The following GPR89B variants were observed in gnomAD, a reference collection of about 807,000 sequenced individuals.
GPR89B encodes golgi pH regulator B, also known as G protein-coupled receptor 89B.
Under a neutral mutation model 52.4 loss-of-function variants are expected in GPR89B, and 25 were observed. That is an observed-to-expected ratio of 0.48 (90% confidence interval 0.35 to 0.67). The LOEUF (loss-of-function observed/expected upper bound fraction) is 0.67. Ranked by LOEUF, GPR89B falls within the 30% of genes least tolerant of loss-of-function variation. The probability of loss-of-function intolerance (pLI) is 0.01; values close to 1 mark genes in which losing one functional copy is unlikely to be tolerated. For missense variants in GPR89B, 146 were observed against 450.2 expected (o/e 0.32, Z 6.11); for synonymous variants, 52 against 151.2 (o/e 0.34, Z 4.81).
At chr1:147,962,433 A>AG (rs1656654426) in intron 7 of GPR89B, among the ~76,000 whole-genome samples, 1 of 151,124 alleles carries the variant, frequency 6.6e-6, no homozygotes, top group Non-Finnish European at 1.5e-5. Flanking sequence ...CAAAAAAAAA[A>AG]AAAAAAGAAA....
rs1297552031 is a variant in GPR89B, at chr1:147,992,980, A to G, written c.*63A>G. 17 of 1,327,342 alleles carry G rather than the reference A, an allele frequency of 1.3e-5. No homozygotes were observed. The highest frequency in any genetic ancestry group is 5.4e-4 in the Middle Eastern group (2 of 3,682). The allele number at this position is 1,327,342 out of a possible 1,614,324, so 82.2% of individuals were successfully genotyped here. On this transcript the variant is annotated 3_prime_UTR_variant, in exon 14 of 14. Transcript: ENST00000314163. The stretch of plus-strand genomic sequence containing the variant: ...TCAAAATTTAGATATAAGAGGGGGG[A>G]AAAATGGAACCAGGGCCTGACATTT...
intron 3 of GPR89B, among the ~76,000 whole-genome samples, chr1:147,940,565 T>G (rs9438060): frequency 6.6e-6 from 1 of 152,080 alleles, no homozygotes; most frequent in Non-Finnish European, 1.5e-5. Flanking sequence ...GGGTTGGCAG[T>G]CTTTCTTCTG....
At chr1:147,942,293 C>CG in intron 3 of GPR89B, among the ~76,000 whole-genome samples, 1 of 135,086 alleles carries the variant, frequency 7.4e-6, no homozygotes, top group East Asian at 2.2e-4. Context: ...TGGCTATAAC[C>CG]AAAAAAAAAA....
intron 5 of GPR89B, among the ~76,000 whole-genome samples, chr1:147,949,934 C>T (rs1416614524): frequency 7.2e-6 from 1 of 139,618 alleles, no homozygotes; most frequent in Non-Finnish European, 1.6e-5. Context: ...GCTGACCCCC[C>T]CACCTCCCTC....
intron 6 of GPR89B, among the ~76,000 whole-genome samples, chr1:147,954,061 TTA>T (rs1467493888): frequency 2.1e-5 from 3 of 140,646 alleles, no homozygotes; most frequent in South Asian, 2.3e-4. Flanking sequence ...AATATATATT[TTA>T]TATATATATA....
chr1:147,957,707 C>T (rs1656217153), intron 7 of GPR89B, among the ~76,000 whole-genome samples: 1 of 151,714 alleles, frequency 6.6e-6, no homozygotes, highest in Non-Finnish European at 1.5e-5. Flanking sequence ...ATATTTCCTT[C>T]TTCAACACTT....
intron 3 of GPR89B, among the ~76,000 whole-genome samples, chr1:147,940,888 T>C (rs1181996117): frequency 6.7e-6 from 1 of 148,576 alleles, no homozygotes; most frequent in Non-Finnish European, 1.5e-5. Flanking sequence ...TGTCATACTA[T>C]GGTGTATGTT....
At chr1:148,019,846 TG>T in the GPR89B span, among the ~76,000 whole-genome samples, 1 of 151,998 alleles carries the variant, frequency 6.6e-6, no homozygotes, top group African/African-American at 2.4e-5. Flanking sequence ...AGAAGAATTC[TG>T]GGAGTGAAAT....
intron 10 of GPR89B, among the ~76,000 whole-genome samples, chr1:147,976,970 C>T (rs1657875069): frequency 6.6e-6 from 1 of 151,714 alleles, no homozygotes; most frequent in Admixed American, 6.6e-5. Context: ...CGTGGTGGCT[C>T]ACGCCGGTAA....
intron 3 of GPR89B, among the ~76,000 whole-genome samples, chr1:147,940,680 A>G (rs1195048042): frequency 6.6e-6 from 1 of 152,206 alleles, no homozygotes; most frequent in African/African-American, 2.4e-5. Flanking sequence ...TAGGCAATAT[A>G]TAAACAAACG....
intron 5 of GPR89B, among the ~76,000 whole-genome samples, chr1:147,950,875 T>C (rs1655624064): frequency 6.6e-6 from 1 of 152,070 alleles, no homozygotes; most frequent in African/African-American, 2.4e-5. Context: ...TGAGCCGAGA[T>C]GGCAGCAGTA....
the GPR89B span, among the ~76,000 whole-genome samples, chr1:148,008,795 A>G: frequency 6.6e-6 from 1 of 152,256 alleles, no homozygotes; most frequent in Non-Finnish European, 1.5e-5. Flanking sequence ...GCAGCTGAGG[A>G]TACTATCAAA....
At chr1:147,959,680 C>A (rs1314603990) in intron 7 of GPR89B, among the ~76,000 whole-genome samples, 3 of 152,004 alleles carry the variant, frequency 2.0e-5, no homozygotes, top group Non-Finnish European at 4.4e-5. Context: ...CAGTATAAAC[C>A]CTTCCCAAAT....
intron 12 of GPR89B, among the ~76,000 whole-genome samples, chr1:147,988,907 A>C (rs1658860924): frequency 2.1e-5 from 3 of 140,294 alleles, no homozygotes; most frequent in African/African-American, 8.0e-5. Context: ...TTACCTCATT[A>C]AGAATTCTGC....
At chr1:147,991,667 ATT>A (rs1437266834) in intron 12 of GPR89B, among the ~76,000 whole-genome samples, 18 of 152,222 alleles carry the variant, frequency 1.2e-4, no homozygotes, top group Admixed American at 9.8e-4. Flanking sequence ...GGGCTGTTGA[ATT>A]TTGTCAAAGG....
At chr1:148,015,561 G>A in the GPR89B span, among the ~76,000 whole-genome samples, 2 of 147,642 alleles carry the variant, frequency 1.4e-5, no homozygotes, top group Non-Finnish European at 1.5e-5. Context: ...TGATGCACCC[G>A]CCTTTGCCTC....
At chr1:148,021,141 C>T in the GPR89B span, among the ~76,000 whole-genome samples, 1 of 151,816 alleles carries the variant, frequency 6.6e-6, no homozygotes, top group Non-Finnish European at 1.5e-5. Context: ...GGTACCTGGT[C>T]ACTGATTCTC....
At chr1:148,018,059 A>G in the GPR89B span, among the ~76,000 whole-genome samples, 2 of 147,864 alleles carry the variant, frequency 1.4e-5, no homozygotes, top group African/African-American at 5.2e-5. Flanking sequence ...CAAATCAGGG[A>G]TATGGAATTT....
the GPR89B span, among the ~76,000 whole-genome samples, chr1:148,000,878 A>G: frequency 1.4e-5 from 2 of 143,026 alleles, no homozygotes; most frequent in African/African-American, 2.6e-5. Context: ...AGTTTGATTC[A>G]GGTTGGTCTT....
Sources: gnomAD v4.1 joint callset for allele counts (sites outside exome capture counted in the v4.1 genomes callset) on GRCh38, gnomAD v4.1.1 for gene constraint, MANE v1.5 for transcripts, NCBI Gene and HGNC (gene_info 2026-07-23, HGNC 2026-07-21) for gene names.